The following RAB27B variants were observed in gnomAD, a reference collection of about 807,000 sequenced individuals.
RAB27B encodes ras-related protein Rab-27B.
In RAB27B, 15 loss-of-function variants were observed where a neutral mutation model predicts 24.6. That is an observed-to-expected ratio of 0.61 (90% CI 0.41 to 0.94). The LOEUF (loss-of-function observed/expected upper bound fraction) is 0.94, where lower values mean the gene tolerates loss of function less well. Among genes scored for constraint, RAB27B ranks in the 40% least tolerant of loss-of-function variants. RAB27B has a pLI of 0.00. For synonymous variants in RAB27B, 105 were observed against 92.5 expected (o/e 1.14, Z -0.78); for missense variants, 261 against 266.8 (o/e 0.98, Z 0.15).
chr18:54,803,319 G>A (rs1034934506), intron 2 of RAB27B, among the ~76,000 whole-genome samples: 1 of 152,158 alleles, frequency 6.6e-6, no homozygotes, highest in Non-Finnish European at 1.5e-5. Flanking sequence ...AGGATGAAGT[G>A]TATGCCAGGC....
rs57299942 is a variant in RAB27B, at chr18:54,879,358, G to A, written c.154-11G>A. 6.2e-7 allele frequency: 1 copy of A among 1,600,780 alleles called. No homozygotes were observed. The highest frequency in any genetic ancestry group is 8.6e-7 in the Non-Finnish European group (1 of 1,168,036). On this transcript the variant is annotated splice_polypyrimidine_tract_variant and intron_variant, in intron 2 of 5. Coordinates refer to ENST00000262094, the MANE Select transcript of RAB27B (RefSeq NM_004163.4). ...AAAGCAACCTCAACTAATGAACGTT[G>A]TATCTTTCAGGTTTATAATGCACAA... is the stretch of plus-strand genomic sequence containing the variant.
intron 2 of RAB27B, among the ~76,000 whole-genome samples, chr18:54,823,333 G>T (rs914695844): frequency 6.6e-6 from 1 of 152,174 alleles, no homozygotes; most frequent in African/African-American, 2.4e-5. Flanking sequence ...AGGAGGTAGG[G>T]GCACACCCGT....
intron 2 of RAB27B, among the ~76,000 whole-genome samples, chr18:54,728,578 T>C (rs1909617625): frequency 6.6e-6 from 1 of 151,562 alleles, no homozygotes; most frequent in African/African-American, 2.4e-5. Context: ...AGGGAAATGG[T>C]TAAAAGGGGG....
rs560008094 is a variant in RAB27B at position 54,836,720 on chromosome 18, G to C, written c.-20+8020G>C. 3.3e-5 allele frequency among the ~76,000 whole-genome samples: 5 copies of C among 151,982 alleles called. No homozygotes were observed. The South Asian group carries it at 1.0e-3, about 31-fold the overall frequency. On this transcript the variant is annotated intron_variant, in intron 1 of 5. Transcript: ENST00000262094. The stretch of plus-strand genomic sequence containing the variant: ...TAAAAGTGTGTAGACATTAAAATCG[G>C]AGGATTTAAACATAAAACTGCTTTC...
chr18:54,792,875 A>G (rs2145114791), intron 2 of RAB27B, among the ~76,000 whole-genome samples: 1 of 152,330 alleles, frequency 6.6e-6, no homozygotes, highest in South Asian at 2.1e-4. Flanking sequence ...CACCAGTGTC[A>G]ATAGCATAAT....
At chr18:54,739,197 G>A (rs1233201384) in intron 2 of RAB27B, among the ~76,000 whole-genome samples, 3 of 152,120 alleles carry the variant, frequency 2.0e-5, no homozygotes, top group Non-Finnish European at 2.9e-5. Flanking sequence ...GCTCATGCCT[G>A]TAATCCCAGC....
At chr18:54,734,354 T>C (rs1420149831) in intron 2 of RAB27B, among the ~76,000 whole-genome samples, 4 of 152,130 alleles carry the variant, frequency 2.6e-5, no homozygotes, top group South Asian at 2.1e-4. Context: ...CTTGATACTG[T>C]CTCTTCTATG....
At chr18:54,853,605 T>C (rs1036169221) in intron 1 of RAB27B, among the ~76,000 whole-genome samples, 1 of 152,216 alleles carries the variant, frequency 6.6e-6, no homozygotes, top group Non-Finnish European at 1.5e-5. Flanking sequence ...AACTACTTAG[T>C]GTTTTGCTAA....
At position 54,883,039 on chromosome 18, in the gene RAB27B, T is replaced by C. The variant is rs565825166; in HGVS notation, c.240-1294T>C. Among the ~76,000 whole-genome samples the C allele has an allele frequency of 6.6e-5, 10 of 152,096 alleles. No individual in the cohort carries two copies. In the South Asian group the frequency reaches 2.1e-3, roughly 32 times the overall value. On this transcript the variant is annotated intron_variant, in intron 3 of 5. Coordinates refer to ENST00000262094, the MANE Select transcript of RAB27B (RefSeq NM_004163.4). ...GGCCAGAAATGAGAAGGTCGAAAGA[T>C]ATATGTTAACTGTAGACACCAGGTG...
intron 2 of RAB27B, among the ~76,000 whole-genome samples, chr18:54,821,810 A>G (rs943099770): frequency 1.3e-5 from 2 of 152,178 alleles, no homozygotes; most frequent in Non-Finnish European, 2.9e-5. Flanking sequence ...CTGGAGTGCA[A>G]TGACACGATC....
intron 2 of RAB27B, among the ~76,000 whole-genome samples, chr18:54,782,511 C>T (rs886241447): frequency 6.6e-6 from 1 of 152,166 alleles, no homozygotes; most frequent in African/African-American, 2.4e-5. Context: ...GTTGTTTCTT[C>T]CTATTTCTTT....
At chr18:54,735,756 A>G (rs936518806) in intron 2 of RAB27B, among the ~76,000 whole-genome samples, 9 of 152,262 alleles carry the variant, frequency 5.9e-5, no homozygotes, top group Admixed American at 5.2e-4. Context: ...TCTTGACCTC[A>G]GGTGATCCAC....
chr18:54,888,144 T>A, intron 5 of RAB27B, 26 bp downstream of exon 5: 1 of 1,610,742 alleles, frequency 6.2e-7, no homozygotes. Flanking sequence ...TGAGATGGCA[T>A]GTGACTTGCA....
intron 2 of RAB27B, among the ~76,000 whole-genome samples, chr18:54,766,071 G>A (rs576290552): frequency 1.4e-4 from 21 of 152,236 alleles, no homozygotes; most frequent in African/African-American, 4.6e-4. Context: ...AGAATGAATG[G>A]TCAACAATCA....
At chr18:54,881,102 G>A (rs943576022) in intron 3 of RAB27B, among the ~76,000 whole-genome samples, 1 of 152,130 alleles carries the variant, frequency 6.6e-6, no homozygotes, top group Non-Finnish European at 1.5e-5. Context: ...GAGTGATAAT[G>A]TAGCTTTGGG....
chr18:54,796,692 T>A (rs1442764819), intron 2 of RAB27B, among the ~76,000 whole-genome samples: 1 of 152,190 alleles, frequency 6.6e-6, no homozygotes, highest in Non-Finnish European at 1.5e-5. Context: ...CGCTAAGGTC[T>A]TGGTTTATAT....
At chr18:54,850,357 T>TATATATATATATATATATATATAC (rs1264669719) in intron 1 of RAB27B, among the ~76,000 whole-genome samples, 11 of 130,556 alleles carry the variant, frequency 8.4e-5, no homozygotes, top group South Asian at 2.4e-4. Flanking sequence ...TATATATATA[T>TATATATATATATATATATATATAC]ATACATACAT....
chr18:54,867,416 C>A (rs1912275194), intron 1 of RAB27B, among the ~76,000 whole-genome samples: 1 of 147,976 alleles, frequency 6.8e-6, no homozygotes, highest in Non-Finnish European at 1.5e-5. Flanking sequence ...TCTTTGTAAG[C>A]CTGATGCTTT....
At chr18:54,757,175 G>GAA (rs931191189) in intron 2 of RAB27B, among the ~76,000 whole-genome samples, 1 of 152,166 alleles carries the variant, frequency 6.6e-6, no homozygotes, top group Non-Finnish European at 1.5e-5. Flanking sequence ...AGCATAAGCA[G>GAA]AAAAGGAAAG....
Sources: gnomAD v4.1 joint callset for allele counts (sites outside exome capture counted in the v4.1 genomes callset) on GRCh38, gnomAD v4.1.1 for gene constraint, MANE v1.5 for transcripts, NCBI Gene and HGNC (gene_info 2026-07-23, HGNC 2026-07-21) for gene names.